Variants in PDZD2 observed in about 807,000 individuals in gnomAD.
PDZD2 encodes the protein PDZ domain containing 2.
A neutral mutation model predicts 220.7 loss-of-function variants in PDZD2; 90 were observed. The ratio of observed to expected loss-of-function variants is 0.41; its 90% confidence interval spans 0.34 to 0.49. The LOEUF (loss-of-function observed/expected upper bound fraction) is 0.49, where lower values mean the gene tolerates loss of function less well. Ranked by LOEUF, PDZD2 falls within the 20% of genes least tolerant of loss-of-function variation. The probability of loss-of-function intolerance (pLI) is 0.28; values close to 1 mark genes in which losing one functional copy is unlikely to be tolerated. For synonymous variants in PDZD2, 1,375 were observed against 1,450.5 expected (o/e 0.95, Z 1.18); for missense variants, 3,174 against 3,608.5 (o/e 0.88, Z 3.08).
At chr5:31,863,599 T>C (rs188710097) in intron 2 of PDZD2, among the ~76,000 whole-genome samples, 6 of 152,206 alleles carry the variant, frequency 3.9e-5, no homozygotes, top group African/African-American at 1.4e-4. Flanking sequence ...AAGTTTGGAG[T>C]TGGTTTTATC....
At chr5:31,841,255 G>A (rs1224600497) in intron 2 of PDZD2, among the ~76,000 whole-genome samples, 5 of 152,138 alleles carry the variant, frequency 3.3e-5, no homozygotes, top group South Asian at 4.1e-4. Flanking sequence ...ACAAGAATGC[G>A]TGGGCTACAC....
Position 32,087,537 on chromosome 5 carries a change from A to G in PDZD2, c.4089A>G (p.Glu1363=), listed in dbSNP as rs774308566. 6.2e-7 allele frequency: 1 copy of G among 1,613,680 alleles called. No homozygotes were observed. Among genetic ancestry groups the G allele is most frequent in the Non-Finnish European group, 8.5e-7 (1 of 1,179,786 alleles). ...GAPGNHSKAL[E]MTGIHAPESS... The stretch of plus-strand genomic sequence containing the variant: ...CAGGTAACCACAGTAAGGCTCTGGA[A>G]ATGACAGGAATCCATGCACCTGAAA... The change falls in exon 20 of 25, where the codon GAA becomes GAG. Residue 1363 remains glutamate (E), a synonymous_variant. Coordinates refer to ENST00000438447, the MANE Select transcript of PDZD2 (RefSeq NM_178140.4). This position sits in a 1 kb window ranked among gnomAD's most constrained non-coding sequence, Gnocchi z 4.0.
At chr5:31,878,622 C>G (rs891525236) in intron 2 of PDZD2, among the ~76,000 whole-genome samples, 4 of 123,066 alleles carry the variant, frequency 3.3e-5, no homozygotes, top group Admixed American at 1.1e-4. Flanking sequence ...TGCAGTGGCG[C>G]GATCTCGGCT....
chr5:31,641,838 GC>G (rs1290758725), intron 1 of PDZD2, among the ~76,000 whole-genome samples: 5 of 152,082 alleles, frequency 3.3e-5, no homozygotes. Flanking sequence ...TCACCATGCT[GC>G]CCTGGGTGTG....
At chr5:31,780,898 G>C (rs1216230183) in intron 1 of PDZD2, among the ~76,000 whole-genome samples, 1 of 152,180 alleles carries the variant, frequency 6.6e-6, no homozygotes, top group Non-Finnish European at 1.5e-5. Context: ...GAAGAAGAGA[G>C]ACTATCACAT....
At chr5:31,882,360 C>T (rs1425295034) in intron 2 of PDZD2, among the ~76,000 whole-genome samples, 1 of 152,136 alleles carries the variant, frequency 6.6e-6, no homozygotes, top group African/African-American at 2.4e-5. Context: ...TCGAGGCTGC[C>T]CCATCTCTCC....
chr5:31,859,125 A>G (rs1737437411), intron 2 of PDZD2, among the ~76,000 whole-genome samples: 1 of 151,904 alleles, frequency 6.6e-6, no homozygotes, highest in Non-Finnish European at 1.5e-5. Flanking sequence ...CACCCCTATG[A>G]TTGAATCCCC....
At chr5:31,656,394 A>C (rs908119252) in intron 1 of PDZD2, among the ~76,000 whole-genome samples, 4 of 152,160 alleles carry the variant, frequency 2.6e-5, no homozygotes, top group Non-Finnish European at 5.9e-5. Context: ...CTTTTGATGG[A>C]GGTGTCTTCT....
chr5:31,713,016 C>T (rs907887149), intron 1 of PDZD2, among the ~76,000 whole-genome samples: 1 of 152,170 alleles, frequency 6.6e-6, no homozygotes, highest in Non-Finnish European at 1.5e-5. Flanking sequence ...ACTATGGCTG[C>T]CTGGACCACA....
intron 2 of PDZD2, among the ~76,000 whole-genome samples, chr5:31,808,309 T>A (rs1754858511): frequency 6.6e-6 from 1 of 152,218 alleles, no homozygotes; most frequent in African/African-American, 2.4e-5. Flanking sequence ...TGTAATACAC[T>A]TTAGAAAGAT....
intron 24 of PDZD2, among the ~76,000 whole-genome samples, chr5:32,101,944 T>C (rs763274587): frequency 2.6e-5 from 4 of 152,164 alleles, no homozygotes; most frequent in Admixed American, 6.5e-5. Context: ...CCATTTAAAG[T>C]TACAGTATGT....
At chr5:31,849,919 C>CGTGT (rs1332068149) in intron 2 of PDZD2, among the ~76,000 whole-genome samples, 1 of 19,058 alleles carries the variant, frequency 5.2e-5, no homozygotes, top group African/African-American at 2.7e-4. Context: ...TATATATATA[C>CGTGT]ATATATATAT....
intron 2 of PDZD2, among the ~76,000 whole-genome samples, chr5:31,928,481 A>T (rs1333021987): frequency 1.3e-5 from 2 of 148,506 alleles, no homozygotes; most frequent in Non-Finnish European, 3.0e-5. Context: ...ATTACAAAGA[A>T]TTTTTTTTTT....
chr5:32,007,407 T>C (rs1418949021), intron 5 of PDZD2, among the ~76,000 whole-genome samples: 3 of 151,972 alleles, frequency 2.0e-5, no homozygotes, highest in African/African-American at 7.3e-5. Flanking sequence ...AAAAACACTC[T>C]TTTCGGTTAA....
intron 1 of PDZD2, among the ~76,000 whole-genome samples, chr5:31,778,329 TTCCACAC>T (rs1752833794): frequency 6.6e-6 from 1 of 152,176 alleles, no homozygotes; most frequent in Admixed American, 6.5e-5. Flanking sequence ...TCGGGTCCCC[TTCCACAC>T]TGTGGAAGCT....
At chr5:32,023,948 G>A (rs1754419300) in intron 6 of PDZD2, among the ~76,000 whole-genome samples, 1 of 152,174 alleles carries the variant, frequency 6.6e-6, no homozygotes, top group Non-Finnish European at 1.5e-5. Flanking sequence ...TCCCGCCTGG[G>A]ACGTGAATCA....
intron 1 of PDZD2, among the ~76,000 whole-genome samples, chr5:31,778,762 G>C (rs1366698478): frequency 6.6e-6 from 1 of 152,152 alleles, no homozygotes; most frequent in Non-Finnish European, 1.5e-5. Flanking sequence ...GGGATTACAG[G>C]TGTGAGCCAC....
chr5:31,995,925 T>TA (rs1293650143), intron 4 of PDZD2, among the ~76,000 whole-genome samples: 1 of 152,196 alleles, frequency 6.6e-6, no homozygotes, highest in African/African-American at 2.4e-5. Flanking sequence ...CTGCAGAAGA[T>TA]ATTGCAAGAT....
intron 2 of PDZD2, among the ~76,000 whole-genome samples, chr5:31,951,612 A>C (rs1747190090): frequency 6.6e-6 from 1 of 152,198 alleles, no homozygotes. Flanking sequence ...TCAGTAATCC[A>C]TTCCTTTTAA....
Sources: gnomAD v4.1 joint callset for allele counts (sites outside exome capture counted in the v4.1 genomes callset) on GRCh38, gnomAD v4.1.1 for gene constraint, Gnocchi (gnomAD v3.1) non-coding constraint, MANE v1.5 for transcripts, NCBI Gene and HGNC (gene_info 2026-07-23, HGNC 2026-07-21) for gene names.